The following NINL variants were observed in gnomAD, a reference collection of about 807,000 sequenced individuals.
NINL encodes the protein ninein like.
A neutral mutation model predicts 160.3 loss-of-function variants in NINL; 153 were observed. The ratio of observed to expected loss-of-function variants is 0.95; its 90% confidence interval spans 0.84 to 1.09. The LOEUF is 1.09. Ranked by LOEUF, NINL falls within the 50% of genes least tolerant of loss-of-function variation. NINL has a pLI of 0.00. For synonymous variants in NINL, 800 were observed against 734.8 expected (o/e 1.09, Z -1.43); for missense variants, 1,829 against 1,764.0 (o/e 1.04, Z -0.66).
Position 25,491,464 on chromosome 20 carries a change from G to A in NINL, c.1372C>T (p.Arg458Ter), listed in dbSNP as rs763087496. The change falls in exon 11 of 24, where the codon CGA becomes TGA. Residue 458 changes from arginine to a stop codon, truncating the protein, a stop_gained. Transcript: ENST00000278886. LOFTEE classifies it high-confidence loss of function. Reference protein sequence around the residue: ...SLLRSEVEAERELFWEQAHRQ... With the variant: ...SLLRSEVEAE The stretch of plus-strand genomic sequence containing the variant: ...TGGGCCTGCTCCCAGAACAGCTCTC[G>A]CTCCGCCTCCACCTCAGACCGCAGG... 4 of 1,614,028 alleles carry A rather than the reference G, an allele frequency of 2.5e-6. No homozygotes were observed. Among genetic ancestry groups the A allele is most frequent in the Middle Eastern group, 1.6e-4 (1 of 6,062 alleles).
At chr20:25,542,020 T>C (rs1182359482) in intron 1 of NINL, among the ~76,000 whole-genome samples, 1 of 152,184 alleles carries the variant, frequency 6.6e-6, no homozygotes, top group Non-Finnish European at 1.5e-5. Context: ...CCTGCTACCA[T>C]CCCTGTTCCT....
intron 1 of NINL, among the ~76,000 whole-genome samples, chr20:25,583,141 C>A (rs921156095): frequency 1.3e-5 from 2 of 151,926 alleles, no homozygotes; most frequent in Non-Finnish European, 2.9e-5. Context: ...GGGATCTAAC[C>A]TAAGAGCTTC....
At chr20:25,567,320 G>T (rs942411866) in intron 1 of NINL, among the ~76,000 whole-genome samples, 3 of 152,140 alleles carry the variant, frequency 2.0e-5, no homozygotes, top group Non-Finnish European at 2.9e-5. Context: ...CATGCATAAT[G>T]GGAACATTAG....
chr20:25,540,912 C>T (rs531716493), intron 1 of NINL, among the ~76,000 whole-genome samples: 1 of 149,672 alleles, frequency 6.7e-6, no homozygotes, highest in African/African-American at 2.4e-5. Context: ...AATATCTCAA[C>T]AATCAAGTTT....
At chr20:25,558,749 C>T (rs2064898346) in intron 1 of NINL, among the ~76,000 whole-genome samples, 1 of 152,178 alleles carries the variant, frequency 6.6e-6, no homozygotes, top group African/African-American at 2.4e-5. Context: ...TCCCTTCAGA[C>T]TGTGTTTAGG....
At chr20:25,540,621 A>G (rs2064647814) in intron 1 of NINL, among the ~76,000 whole-genome samples, 2 of 152,088 alleles carry the variant, frequency 1.3e-5, no homozygotes, top group East Asian at 3.9e-4. Flanking sequence ...ATCTCTGTAA[A>G]TCCTGCTCGC....
At chr20:25,465,985 T>C (rs966038309) in intron 19 of NINL, among the ~76,000 whole-genome samples, 1 of 152,098 alleles carries the variant, frequency 6.6e-6, no homozygotes, top group African/African-American at 2.4e-5. Context: ...TGTTGAAATA[T>C]TGAGAAGTGG....
intron 1 of NINL, among the ~76,000 whole-genome samples, chr20:25,562,499 A>C (rs1266112406): frequency 1.6e-5 from 2 of 127,584 alleles, no homozygotes; most frequent in African/African-American, 3.0e-5. Flanking sequence ...CCTTACCCCC[A>C]ACCCTGTGCT....
At chr20:25,489,474 C>G in intron 12 of NINL, 150 bp from the exon 13 acceptor site, 1 of 674,646 alleles carries the variant, frequency 1.5e-6, no homozygotes, top group Non-Finnish European at 2.6e-6. Flanking sequence ...CCTCCTTCTC[C>G]TTACTCCCCC....
chr20:25,564,463 G>C lies in NINL; in HGVS notation c.-12+20992C>G, dbSNP rs144599498. On this transcript the variant is annotated intron_variant, in intron 1 of 23. Transcript: ENST00000278886. ...CTCCTGTGTAGCTAAGATCACAGGC[G>C]CATGCCACCAGGCCCAACTAATTTT... 2.0e-5 allele frequency among the ~76,000 whole-genome samples: 3 copies of C among 152,224 alleles called. No individual in the cohort carries two copies. The East Asian group carries it at 5.8e-4, about 29-fold the overall frequency.
chr20:25,458,608 C>T (rs1206991562), intron 21 of NINL, 79 bp from the exon 22 acceptor site: 1 of 1,397,842 alleles, frequency 7.2e-7, no homozygotes, highest in South Asian at 1.5e-5. Context: ...TCCAAGGACA[C>T]CCCCACCTGC....
At chr20:25,504,517 G>A (rs2063926107) in intron 6 of NINL, among the ~76,000 whole-genome samples, 1 of 152,230 alleles carries the variant, frequency 6.6e-6, no homozygotes, top group African/African-American at 2.4e-5. Flanking sequence ...ATGGCCACTG[G>A]AGAGTGAGGA....
chr20:25,500,708 T>C, intron 8 of NINL, 132 bp downstream of exon 8: 2 of 818,458 alleles, frequency 2.4e-6, no homozygotes, highest in South Asian at 4.7e-5. Context: ...TGGACTTCCT[T>C]GCATGGCATT....
chr20:25,542,430 G>T (rs562234998), intron 1 of NINL, among the ~76,000 whole-genome samples: 64 of 151,872 alleles, frequency 4.2e-4, no homozygotes, highest in Non-Finnish European at 8.5e-4. Flanking sequence ...AGACCAAGAA[G>T]AAGAATGGGG....
At chr20:25,516,954 T>C (rs1273626033) in intron 3 of NINL, among the ~76,000 whole-genome samples, 2 of 152,118 alleles carry the variant, frequency 1.3e-5, no homozygotes, top group Non-Finnish European at 2.9e-5. Context: ...ATGAATCTCT[T>C]CTCACCTGGG....
chr20:25,500,440 GGA>G (rs1434455659), intron 8 of NINL, among the ~76,000 whole-genome samples: 1 of 152,186 alleles, frequency 6.6e-6, no homozygotes, highest in African/African-American at 2.4e-5. Flanking sequence ...AGGGGCTCCA[GGA>G]GAGTCCGGGC....
chr20:25,497,476 G>A (rs990342908), intron 9 of NINL, among the ~76,000 whole-genome samples: 5 of 152,212 alleles, frequency 3.3e-5, no homozygotes, highest in Admixed American at 1.3e-4. Flanking sequence ...AGGCGGCTCC[G>A]CTGTCTGCAC....
Position 25,462,364 on chromosome 20 carries a change from T to C in NINL, c.3582+19A>G. The stretch of plus-strand genomic sequence containing the variant: ...GCTCCCAGCCTCCAGCTCAGCTCCC[T>C]GCGGCTGAGGCCACCCACCTGCTGC... On this transcript the variant is annotated intron_variant, in intron 20 of 23. Transcript: ENST00000278886. The C allele has an allele frequency of 8.7e-7, 1 of 1,145,088 alleles. No homozygotes were observed. Among genetic ancestry groups the C allele is most frequent in the East Asian group, 3.7e-5 (1 of 27,276 alleles). 70.9% of individuals were successfully genotyped at this position (1,145,088 alleles called of 1,614,324 possible).
chr20:25,514,412 A>G (rs1357140835), intron 3 of NINL, among the ~76,000 whole-genome samples: 1 of 152,244 alleles, frequency 6.6e-6, no homozygotes, highest in Admixed American at 6.5e-5. Flanking sequence ...TATATTCATG[A>G]GCAAAGAGAT....
Sources: gnomAD v4.1 joint callset for allele counts (sites outside exome capture counted in the v4.1 genomes callset) on GRCh38, gnomAD v4.1.1 for gene constraint, MANE v1.5 for transcripts, NCBI Gene and HGNC (gene_info 2026-07-23, HGNC 2026-07-21) for gene names.